Variants in GALK2 observed in about 807,000 individuals in gnomAD.
The protein encoded by GALK2 is galactokinase 2, also known as N-acetylgalactosamine kinase.
In GALK2, 36 loss-of-function variants were observed where a neutral mutation model predicts 52.4. The observed-to-expected ratio is 0.69, with a 90% CI of 0.53 to 0.91. The LOEUF (loss-of-function observed/expected upper bound fraction) is 0.91. GALK2 is among the 40% of genes least tolerant of loss of function. GALK2 has a pLI of 0.00. For missense variants in GALK2, 579 were observed against 559.1 expected, an observed-to-expected ratio of 1.04 and a Z score of -0.36; for synonymous variants, 176 against 199.1, an observed-to-expected ratio of 0.88 and a Z score of 0.98.
chr15:49,205,439 G>T (rs995278352), intron 2 of GALK2, among the ~76,000 whole-genome samples: 2 of 152,256 alleles, frequency 1.3e-5, no homozygotes, highest in Middle Eastern at 3.4e-3. Context: ...GAGTGAGGTG[G>T]TATCACATTG....
downstream of GALK2, among the ~76,000 whole-genome samples, chr15:49,333,496 G>A (rs947475728): frequency 6.6e-6 from 1 of 152,138 alleles, no homozygotes; most frequent in Non-Finnish European, 1.5e-5. Context: ...ATGTGGATTT[G>A]ATTTTTGGAA....
chr15:49,260,167 CA>C (rs1295675577), intron 5 of GALK2, among the ~76,000 whole-genome samples: 3 of 152,204 alleles, frequency 2.0e-5, no homozygotes, highest in African/African-American at 4.8e-5. Context: ...CAGACTTCCA[CA>C]AGGTTTGAAC....
intron 1 of GALK2, among the ~76,000 whole-genome samples, chr15:49,176,357 C>T (rs2085456939): frequency 6.6e-6 from 1 of 152,220 alleles, no homozygotes. Flanking sequence ...TTAAAAACCA[C>T]TAGTAACTAC....
intron 9 of GALK2, among the ~76,000 whole-genome samples, chr15:49,326,428 T>A (rs1596141043): frequency 6.6e-6 from 1 of 152,076 alleles, no homozygotes; most frequent in South Asian, 2.1e-4. Context: ...ATTTTTGTAT[T>A]TTTAGTAGAG....
intron 4 of GALK2, 46 bp from the exon 5 acceptor site, chr15:49,239,175 G>C (rs1423317366): frequency 6.5e-7 from 1 of 1,547,648 alleles, no homozygotes; most frequent in Non-Finnish European, 8.9e-7. Context: ...ACTACTCCTT[G>C]AATTCAATAC....
chr15:49,204,521 A>G (rs1167982015), intron 2 of GALK2, among the ~76,000 whole-genome samples: 1 of 151,492 alleles, frequency 6.6e-6, no homozygotes, highest in Non-Finnish European at 1.5e-5. Context: ...TCAGTGTTTT[A>G]TTGTTTTCAT....
intron 3 of GALK2, chr15:49,366,801 C>T (rs1055549178): frequency 7.0e-6 from 4 of 568,196 alleles, no homozygotes; most frequent in Non-Finnish European, 1.2e-5. Flanking sequence ...CTGGGATCGC[C>T]GCTGCTGCAG....
chr15:49,198,612 A>C (rs1344347521), intron 1 of GALK2, among the ~76,000 whole-genome samples: 1 of 152,008 alleles, frequency 6.6e-6, no homozygotes, highest in African/African-American at 2.4e-5. Flanking sequence ...AAAAAAAATC[A>C]TTGCTTTGTC....
chr15:49,337,508 C>CTTTTTTTTTTTTTTTTTT (rs33973907), intron 3 of GALK2, among the ~76,000 whole-genome samples: 1 of 36,080 alleles, frequency 2.8e-5, no homozygotes, highest in African/African-American at 1.2e-4. Flanking sequence ...CATTTACCCA[C>CTTTTTTTTTTTTTTTTTT]TTTTTTTTTT....
intron 3 of GALK2, among the ~76,000 whole-genome samples, chr15:49,229,417 T>G (rs933867554): frequency 5.3e-5 from 8 of 152,194 alleles, no homozygotes; most frequent in Admixed American, 5.2e-4. Flanking sequence ...CAAAGCATTC[T>G]GCATTGTTGT....
intron 3 of GALK2, among the ~76,000 whole-genome samples, chr15:49,218,752 T>G (rs1006682253): frequency 1.3e-5 from 2 of 152,230 alleles, no homozygotes; most frequent in Admixed American, 1.3e-4. Context: ...CTACAAATAT[T>G]TATGTACGAA....
chr15:49,235,897 C>G lies in GALK2; in HGVS notation c.313C>G (p.Pro105Ala), dbSNP rs1439969078. 44 of 1,613,552 alleles carry G rather than the reference C, an allele frequency of 2.7e-5. No individual in the cohort carries two copies. Among genetic ancestry groups the G allele is most frequent in the Non-Finnish European group, 3.6e-5 (43 of 1,179,634 alleles). ...TAACATCCAGATTGATAAAACCAAG[C>G]CTTTGTGGCACAACTATTTCTTATG... The part of the protein sequence containing the change: ...ANNIQIDKTK[P>A]LWHNYFLCGL... The change falls in exon 4 of 10, where the codon CCT becomes GCT. Residue 105 changes from proline (P) to alanine (A), a missense_variant. Transcript: ENST00000560031.
intron 5 of GALK2, among the ~76,000 whole-genome samples, chr15:49,278,637 A>G (rs1462256049): frequency 1.3e-5 from 2 of 152,140 alleles, no homozygotes; most frequent in African/African-American, 4.8e-5. Flanking sequence ...TATGGATAGG[A>G]GGTAATATAT....
intron 5 of GALK2, among the ~76,000 whole-genome samples, chr15:49,252,453 A>T (rs773353834): frequency 3.3e-5 from 5 of 152,106 alleles, no homozygotes; most frequent in Non-Finnish European, 5.9e-5. Context: ...TTTTGGTGTG[A>T]TGGTAATGTT....
chr15:49,260,967 T>C (rs1369245809), intron 5 of GALK2, among the ~76,000 whole-genome samples: 2 of 151,958 alleles, frequency 1.3e-5, no homozygotes, highest in South Asian at 4.1e-4. Context: ...TTGGTTACTG[T>C]AGCCTTGTAG....
chr15:49,288,291 T>C (rs2033590240), intron 7 of GALK2, among the ~76,000 whole-genome samples: 1 of 152,188 alleles, frequency 6.6e-6, no homozygotes, highest in Non-Finnish European at 1.5e-5. Context: ...AGAGAAATTA[T>C]ACTGTTGCTT....
chr15:49,205,073 C>T (rs181756434), intron 2 of GALK2, among the ~76,000 whole-genome samples: 1 of 152,168 alleles, frequency 6.6e-6, no homozygotes, highest in Non-Finnish European at 1.5e-5. Context: ...GTATATATAC[C>T]ACAGTTTCTT....
intron 1 of GALK2, among the ~76,000 whole-genome samples, chr15:49,181,112 C>T (rs1436140818): frequency 1.7e-5 from 2 of 120,404 alleles, no homozygotes; most frequent in African/African-American, 6.1e-5. Flanking sequence ...CTCCCCTCAT[C>T]TCCTCTTCTT....
chr15:49,352,084 T>C (rs983081940), intron 3 of GALK2, among the ~76,000 whole-genome samples: 22 of 152,296 alleles, frequency 1.4e-4, no homozygotes, highest in Admixed American at 5.2e-4. Context: ...TGTCTGGGGC[T>C]GATACTTGCT....
Sources: gnomAD v4.1 joint callset for allele counts (sites outside exome capture counted in the v4.1 genomes callset) on GRCh38, gnomAD v4.1.1 for gene constraint, MANE v1.5 for transcripts, NCBI Gene and HGNC (gene_info 2026-07-23, HGNC 2026-07-21) for gene names.